Variants in PRKN observed in about 807,000 individuals in gnomAD.
PRKN encodes the protein E3 ubiquitin-protein ligase parkin.
A neutral mutation model predicts 59.5 loss-of-function variants in PRKN; 56 were observed. That is an observed-to-expected ratio of 0.94 (90% CI 0.76 to 1.18). PRKN has a LOEUF of 1.18. Ranked by LOEUF, PRKN falls within the 50% of genes most tolerant of loss-of-function variation. PRKN has a pLI of 0.00. For synonymous variants in PRKN, 250 were observed against 222.1 expected (o/e 1.13, Z -1.12); for missense variants, 657 against 596.4 (o/e 1.10, Z -1.06).
chr6:161,511,343 T>C (rs569814098), intron 9 of PRKN, among the ~76,000 whole-genome samples: 1 of 152,314 alleles, frequency 6.6e-6, no homozygotes, highest in South Asian at 2.1e-4. Flanking sequence ...ATTTAAACTT[T>C]TGCAACAAAA....
At chr6:162,702,025 T>C (rs763833630) in intron 1 of PRKN, among the ~76,000 whole-genome samples, 4 of 152,038 alleles carry the variant, frequency 2.6e-5, no homozygotes, top group Non-Finnish European at 4.4e-5. Context: ...CAAAAAACAA[T>C]AGTATATTGT....
At chr6:162,425,487 A>C (rs1308483805) in intron 2 of PRKN, among the ~76,000 whole-genome samples, 2 of 152,244 alleles carry the variant, frequency 1.3e-5, no homozygotes, top group East Asian at 3.8e-4. Context: ...TTAAAGACTT[A>C]ATGGAAGAAC....
chr6:162,411,387 TAGAC>T (rs1788348210), intron 2 of PRKN, among the ~76,000 whole-genome samples: 1 of 152,146 alleles, frequency 6.6e-6, no homozygotes, highest in South Asian at 2.1e-4. Flanking sequence ...ATGGACCACT[TAGAC>T]AGCACAGTAT....
intron 7 of PRKN, among the ~76,000 whole-genome samples, chr6:161,726,701 G>A (rs530262253): frequency 6.6e-6 from 1 of 152,054 alleles, no homozygotes; most frequent in Non-Finnish European, 1.5e-5. Flanking sequence ...GATGAGAGAG[G>A]CAAAAACAAA....
intron 4 of PRKN, among the ~76,000 whole-genome samples, chr6:162,120,237 CA>C (rs1780850850): frequency 6.6e-6 from 1 of 152,180 alleles, no homozygotes; most frequent in South Asian, 2.1e-4. Flanking sequence ...CTCCTGGGCT[CA>C]AGCAATTCTC....
chr6:162,199,629 C>A (rs1784637302), intron 4 of PRKN, among the ~76,000 whole-genome samples: 1 of 152,150 alleles, frequency 6.6e-6, no homozygotes, highest in Non-Finnish European at 1.5e-5. Flanking sequence ...GGACATTGGG[C>A]CTGCAGCATG....
chr6:161,382,724 C>T lies in PRKN; in HGVS notation c.1167+4070G>A, dbSNP rs368514109. On this transcript the variant is annotated intron_variant, in intron 10 of 11. Coordinates refer to ENST00000366898, the MANE Select transcript of PRKN (RefSeq NM_004562.3). ...TTTCCCAAACTCCCAGCAGTTTCAACGTAAAGCTTGTTCAATATTTTAAAA... is the reference window on the plus strand; with the variant it reads ...TTTCCCAAACTCCCAGCAGTTTCAATGTAAAGCTTGTTCAATATTTTAAAA... Among the ~76,000 whole-genome samples the T allele has an allele frequency of 3.3e-5, 5 of 152,258 alleles. No individual in the cohort carries two copies. In the East Asian group the frequency reaches 9.6e-4, roughly 29 times the overall value.
chr6:162,277,967 C>A (rs903062229), intron 2 of PRKN, among the ~76,000 whole-genome samples: 9 of 152,196 alleles, frequency 5.9e-5, no homozygotes, highest in Non-Finnish European at 7.3e-5. Context: ...CAAAAGCCTG[C>A]ACACAGATGT....
At chr6:161,570,124 T>TAAAA (rs55699586) in intron 7 of PRKN, among the ~76,000 whole-genome samples, 35 of 51,390 alleles carry the variant, frequency 6.8e-4, no homozygotes, top group African/African-American at 1.2e-3. Flanking sequence ...AGTAAATAGG[T>TAAAA]AAAAAAAAAA....
intron 2 of PRKN, among the ~76,000 whole-genome samples, chr6:162,410,516 G>A (rs1193118334): frequency 1.3e-5 from 2 of 152,226 alleles, no homozygotes; most frequent in Non-Finnish European, 1.5e-5. Context: ...AGCAAGGGCT[G>A]TGTCTGTCCC....
chr6:162,597,948 A>G lies in PRKN; in HGVS notation c.7+129714T>C, dbSNP rs188682958. Among the ~76,000 whole-genome samples the G allele has an allele frequency of 2.7e-3, 408 of 152,332 alleles. 1 individual carries two copies. Among genetic ancestry groups the G allele is most frequent in the African/African-American group, 9.2e-3 (384 of 41,572 alleles). ...GACATAATTTTCATCTAGAATTATA[A>G]TATATTGAGCATTTTCAATGGTATT... On this transcript the variant is annotated intron_variant, in intron 1 of 11. Coordinates refer to ENST00000366898, the MANE Select transcript of PRKN (RefSeq NM_004562.3).
chr6:162,278,733 G>A (rs796927320), intron 2 of PRKN, among the ~76,000 whole-genome samples: 2 of 152,094 alleles, frequency 1.3e-5, no homozygotes, highest in Non-Finnish European at 2.9e-5. Flanking sequence ...CATTACAGCG[G>A]CTACACAGAA....
chr6:162,188,279 A>T (rs1230145163), intron 4 of PRKN, among the ~76,000 whole-genome samples: 2 of 152,176 alleles, frequency 1.3e-5, no homozygotes, highest in African/African-American at 4.8e-5. Context: ...AAAAATCACC[A>T]GTAGGCATGA....
intron 2 of PRKN, among the ~76,000 whole-genome samples, chr6:162,377,044 A>G (rs1289209487): frequency 6.6e-6 from 1 of 152,060 alleles, no homozygotes. Flanking sequence ...GCAGCTACAG[A>G]TGGGTCCCAA....
chr6:161,990,304 T>C (rs1781596291), intron 5 of PRKN, among the ~76,000 whole-genome samples: 1 of 152,182 alleles, frequency 6.6e-6, no homozygotes, highest in African/African-American at 2.4e-5. Context: ...GAAGAAATCA[T>C]TGAGACATTA....
chr6:161,744,846 T>G (rs1788348344), intron 7 of PRKN, among the ~76,000 whole-genome samples: 1 of 152,200 alleles, frequency 6.6e-6, no homozygotes, highest in African/African-American at 2.4e-5. Flanking sequence ...AATCACTCAT[T>G]TAATTACGGT....
At chr6:162,017,353 T>C (rs1225372809) in intron 5 of PRKN, among the ~76,000 whole-genome samples, 1 of 152,134 alleles carries the variant, frequency 6.6e-6, no homozygotes, top group Non-Finnish European at 1.5e-5. Context: ...AAAATGACCC[T>C]TACCACATAG....
rs1256809856 is a variant in PRKN at position 161,538,352 on chromosome 6, C to A, written c.1083+10502G>T. Among the ~76,000 whole-genome samples the A allele has an allele frequency of 1.3e-5, 2 of 152,138 alleles. No individual in the cohort carries two copies. The highest frequency in any genetic ancestry group is 4.8e-5 in the African/African-American group (2 of 41,434). Reference sequence around the variant, plus strand: ...ATTTTTCTTCTCCTTGAAAAAAATTCTTAAATAAATTGGACTTTAAGAAAT... The same window carrying A: ...ATTTTTCTTCTCCTTGAAAAAAATTATTAAATAAATTGGACTTTAAGAAAT... On this transcript the variant is annotated intron_variant, in intron 9 of 11. Transcript: ENST00000366898. The surrounding 1 kb of genome is among the most constrained non-coding windows in gnomAD (Gnocchi z 4.2).
rs190778169 is a variant in PRKN at position 162,318,553 on chromosome 6, T to C, written c.172-55788A>G. Among the ~76,000 whole-genome samples, 435 of 152,174 alleles carry C rather than the reference T, an allele frequency of 2.9e-3. 2 individuals are homozygous for C. Among genetic ancestry groups the C allele is most frequent in the African/African-American group, 0.01 (419 of 41,542 alleles). On this transcript the variant is annotated intron_variant, in intron 2 of 11. Transcript: ENST00000366898. Reference sequence around the variant, plus strand: ...ACCACCATACTGATTTCCACAGCGGTTGCACCAGCAAAGTACAAGAATTTC... The same window carrying C: ...ACCACCATACTGATTTCCACAGCGGCTGCACCAGCAAAGTACAAGAATTTC...
Sources: gnomAD v4.1 joint callset for allele counts (sites outside exome capture counted in the v4.1 genomes callset) on GRCh38, gnomAD v4.1.1 for gene constraint, Gnocchi (gnomAD v3.1) non-coding constraint, MANE v1.5 for transcripts, NCBI Gene and HGNC (gene_info 2026-07-23, HGNC 2026-07-21) for gene names.